Variants in ZBTB20 observed in about 807,000 individuals in gnomAD.
The protein encoded by ZBTB20 is zinc finger and BTB domain containing 20.
In ZBTB20, 9 loss-of-function variants were observed where a neutral mutation model predicts 56.9. The observed-to-expected ratio is 0.16, with a 90% CI of 0.10 to 0.28. The LOEUF (loss-of-function observed/expected upper bound fraction) is 0.28. ZBTB20 is among the 10% of genes least tolerant of loss of function. The probability of loss-of-function intolerance (pLI) is 1.00; values close to 1 mark genes in which losing one functional copy is unlikely to be tolerated. For missense variants in ZBTB20, 655 were observed against 1,003.0 expected, an observed-to-expected ratio of 0.65 and a Z score of 4.69; for synonymous variants, 417 against 420.7, an observed-to-expected ratio of 0.99 and a Z score of 0.11.
chr3:114,639,028 C>T (rs1370228432), intron 6 of ZBTB20, among the ~76,000 whole-genome samples: 1 of 152,028 alleles, frequency 6.6e-6, no homozygotes, highest in Non-Finnish European at 1.5e-5. Context: ...GACTGTGATT[C>T]ACCCCAATGC....
chr3:114,362,796 A>G (rs760162068), intron 10 of ZBTB20, among the ~76,000 whole-genome samples: 8 of 152,202 alleles, frequency 5.3e-5, no homozygotes. Flanking sequence ...AGAAGAGATG[A>G]CCAATCTATG....
intron 5 of ZBTB20, among the ~76,000 whole-genome samples, chr3:114,785,972 T>C (rs910761716): frequency 1.3e-5 from 2 of 152,140 alleles, no homozygotes; most frequent in Non-Finnish European, 2.9e-5. Context: ...ATTTTATTCT[T>C]TACACTTTTG....
At chr3:114,935,933 G>A (rs2076519206) in intron 3 of ZBTB20, among the ~76,000 whole-genome samples, 1 of 152,114 alleles carries the variant, frequency 6.6e-6, no homozygotes. Flanking sequence ...ATCATAATGA[G>A]CATCTATCCA....
intron 7 of ZBTB20, among the ~76,000 whole-genome samples, chr3:114,416,368 A>G (rs907027121): frequency 5.3e-5 from 8 of 151,626 alleles, no homozygotes; most frequent in African/African-American, 1.9e-4. Context: ...GAGGGATTAG[A>G]ACCTGGAAGA....
At chr3:114,919,396 G>A (rs1384693363) in intron 3 of ZBTB20, among the ~76,000 whole-genome samples, 2 of 152,026 alleles carry the variant, frequency 1.3e-5, no homozygotes, top group East Asian at 1.9e-4. Context: ...CAGCAAGATT[G>A]GAAGAAAGAA....
chr3:114,735,148 G>T (rs1560185892), intron 5 of ZBTB20, among the ~76,000 whole-genome samples: 1 of 150,506 alleles, frequency 6.6e-6, no homozygotes, highest in Non-Finnish European at 1.5e-5. Flanking sequence ...TTATTCCTTT[G>T]TATATTTGCC....
chr3:114,723,488 A>G (rs1303266142), intron 5 of ZBTB20, among the ~76,000 whole-genome samples: 7 of 152,190 alleles, frequency 4.6e-5, no homozygotes, highest in Non-Finnish European at 8.8e-5. Context: ...AATGCATATG[A>G]TATCACCAAA....
At chr3:114,534,778 A>G (rs878908520) in intron 6 of ZBTB20, among the ~76,000 whole-genome samples, 1 of 152,348 alleles carries the variant, frequency 6.6e-6, no homozygotes, top group East Asian at 1.9e-4. Flanking sequence ...AATGGAAATC[A>G]TAACAAACAG....
intron 6 of ZBTB20, among the ~76,000 whole-genome samples, chr3:114,681,621 A>C (rs1484843548): frequency 6.6e-6 from 1 of 152,198 alleles, no homozygotes; most frequent in East Asian, 1.9e-4. Flanking sequence ...TTTGTATTTT[A>C]ATAGAGGGTT....
chr3:114,488,488 TAA>T (rs1278415624), intron 7 of ZBTB20, among the ~76,000 whole-genome samples: 1 of 152,222 alleles, frequency 6.6e-6, no homozygotes, highest in East Asian at 1.9e-4. Context: ...ATGTATTTTT[TAA>T]AAAGTTTTCA....
chr3:114,936,985 AG>A (rs1197131041), intron 3 of ZBTB20, among the ~76,000 whole-genome samples: 3 of 152,202 alleles, frequency 2.0e-5, no homozygotes, highest in Non-Finnish European at 4.4e-5. Context: ...AGCATTTGGT[AG>A]GAAGAGATCT....
intron 4 of ZBTB20, among the ~76,000 whole-genome samples, chr3:114,865,106 T>C (rs962684007): frequency 2.0e-5 from 3 of 152,124 alleles, no homozygotes; most frequent in African/African-American, 7.2e-5. Context: ...CCATCTATTA[T>C]AAATAGTGCT....
intron 2 of ZBTB20, among the ~76,000 whole-genome samples, chr3:115,033,441 A>G (rs1047001421): frequency 9.2e-5 from 14 of 151,764 alleles, no homozygotes; most frequent in African/African-American, 3.1e-4. Flanking sequence ...TTATTTTTAA[A>G]AAGAATAATA....
At chr3:114,941,961 T>C (rs1220431876) in intron 3 of ZBTB20, among the ~76,000 whole-genome samples, 1 of 146,018 alleles carries the variant, frequency 6.8e-6, no homozygotes, top group Non-Finnish European at 1.5e-5. Flanking sequence ...CAAAATAACT[T>C]TGAAAACTGT....
intron 4 of ZBTB20, among the ~76,000 whole-genome samples, chr3:114,827,362 G>A (rs899895545): frequency 1.3e-5 from 2 of 151,602 alleles, no homozygotes; most frequent in Non-Finnish European, 3.0e-5. Flanking sequence ...TCAGAGGCAT[G>A]AGAAAGGTAA....
intron 7 of ZBTB20, among the ~76,000 whole-genome samples, chr3:114,460,509 G>T (rs2092283099): frequency 6.6e-6 from 1 of 152,144 alleles, no homozygotes; most frequent in African/African-American, 2.4e-5. Flanking sequence ...ACAAGAGGTT[G>T]GGGTTATTTG....
chr3:114,978,633 A>G (rs2078203841), intron 2 of ZBTB20, among the ~76,000 whole-genome samples: 1 of 151,180 alleles, frequency 6.6e-6, no homozygotes, highest in African/African-American at 2.4e-5. Flanking sequence ...ACTTTTGGTT[A>G]TGTGCATATG....
In ZBTB20 at chr3:114,955,792, A is replaced by C. The variant is rs558502088; in HGVS notation, c.-456+18574T>G. On this transcript the variant is annotated intron_variant, in intron 3 of 11. Coordinates refer to ENST00000675478, the MANE Select transcript of ZBTB20 (RefSeq NM_001348800.3). ...TTAAACCAACAAACAAACAAACAAA[A>C]AAATGGAGGTGGGGGGTGTACTTTA... Among the ~76,000 whole-genome samples, 8 of 152,292 alleles carry C rather than the reference A, an allele frequency of 5.3e-5. No individual in the cohort carries two copies. The East Asian group carries it at 5.8e-4, about 11-fold the overall frequency.
At chr3:115,118,700 CAA>C (rs1274612240) in intron 1 of ZBTB20, among the ~76,000 whole-genome samples, 1 of 101,946 alleles carries the variant, frequency 9.8e-6, no homozygotes, top group Admixed American at 1.1e-4. Context: ...TTACCTGGTA[CAA>C]ATTTTTTTTT....
Sources: allele counts gnomAD v4.1 joint callset (sites outside exome capture counted in the v4.1 genomes callset), GRCh38; gene constraint gnomAD v4.1.1; transcripts MANE v1.5; gene names NCBI Gene and HGNC (gene_info 2026-07-23, HGNC 2026-07-21).